Variants in ANP32E observed in about 807,000 individuals in gnomAD.
ANP32E encodes the protein acidic leucine-rich nuclear phosphoprotein 32 family member E.
ANP32E carries 14 observed loss-of-function variants against 35.3 expected under a neutral mutation model. The ratio of observed to expected loss-of-function variants is 0.40; its 90% CI spans 0.26 to 0.62. The LOEUF is 0.62. Among genes scored for constraint, ANP32E ranks in the 20% least tolerant of loss-of-function variants. The pLI, the probability that ANP32E is intolerant of heterozygous loss-of-function variation, is 0.45. For missense variants in ANP32E, 198 were observed against 304.4 expected (o/e 0.65, Z 2.60); for synonymous variants, 89 against 110.4 (o/e 0.81, Z 1.22).
intron 2 of ANP32E, 66 bp from the exon 3 acceptor site, chr1:150,230,759 T>TTG (rs1649289693): frequency 1.9e-5 from 29 of 1,497,244 alleles, no homozygotes; most frequent in Non-Finnish European, 2.4e-5. Context: ...TTTTTTTTTT[T>TTG]GAAATGTAGT....
chr1:150,221,339 T>G (rs187867509), intron 6 of ANP32E, among the ~76,000 whole-genome samples: 2,858 of 148,612 alleles, frequency 0.019, 89 homozygotes, highest in African/African-American at 0.067. Context: ...CCTGGGAGGC[T>G]GGGGCAGGAG....
At chr1:150,233,573 C>T (rs148558499) in intron 1 of ANP32E, among the ~76,000 whole-genome samples, 1 of 152,144 alleles carries the variant, frequency 6.6e-6, no homozygotes, top group East Asian at 1.9e-4. Context: ...GGCTGAATTC[C>T]CTATTAGGTA....
At chr1:150,231,586 AAAAT>A (rs1298690493) in intron 2 of ANP32E, among the ~76,000 whole-genome samples, 187 bp downstream of exon 2, 3 of 152,356 alleles carry the variant, frequency 2.0e-5, no homozygotes, top group Middle Eastern at 3.4e-3. Context: ...CCCTGTCTCA[AAAAT>A]AAATAAATAA....
chr1:150,221,489 A>G (rs1318349147), intron 6 of ANP32E, among the ~76,000 whole-genome samples: 1 of 120,974 alleles, frequency 8.3e-6, no homozygotes, highest in Non-Finnish European at 1.7e-5. Flanking sequence ...GAGAGGAAGG[A>G]AGGGAGGGAG....
In ANP32E at chr1:150,230,604, G is replaced by T. The variant is rs587607860; in HGVS notation, c.294C>A (p.Asn98Lys). The T allele has an allele frequency of 6.2e-7, 1 of 1,613,560 alleles. No individual in the cohort carries two copies. The highest frequency in any genetic ancestry group is 1.1e-5 in the South Asian group (1 of 91,054). Residue 98 changes from asparagine (N) to lysine (K), a missense_variant, in exon 3 of 7, where the codon AAC becomes AAA. Asn to Lys is a moderately conservative substitution (Grantham distance 94). Transcript: ENST00000583931. ...CTACTGTACTGAGATCTTTTATTTT[G>T]TTTCCACTCAGATTGAGGTAGGTAA... is the stretch of plus-strand genomic sequence containing the variant. ...PNLTYLNLSG[N>K]KIKDLSTVEA...
chr1:150,226,007 G>GA (rs1553839806), intron 5 of ANP32E, among the ~76,000 whole-genome samples: 1 of 138,362 alleles, frequency 7.2e-6, no homozygotes, highest in Non-Finnish European at 1.5e-5. Flanking sequence ...GATATAACCT[G>GA]TTTTTTTTTT....
intron 6 of ANP32E, among the ~76,000 whole-genome samples, chr1:150,222,673 A>G (rs751542944): frequency 1.3e-5 from 2 of 151,362 alleles, no homozygotes; most frequent in South Asian, 4.1e-4. Context: ...TGGGGGGATC[A>G]CCTGAGCCCA....
intron 4 of ANP32E, among the ~76,000 whole-genome samples, chr1:150,227,551 G>A (rs1178552992): frequency 6.6e-6 from 1 of 151,602 alleles, no homozygotes; most frequent in Non-Finnish European, 1.5e-5. Flanking sequence ...AAACACTGGG[G>A]ACACAGGGAC....
chr1:150,228,262 C>T (rs182569850), intron 4 of ANP32E, among the ~76,000 whole-genome samples: 1 of 152,174 alleles, frequency 6.6e-6, no homozygotes, highest in African/African-American at 2.4e-5. Context: ...AGTCAAACAA[C>T]ACATGGTCTT....
intron 3 of ANP32E, among the ~76,000 whole-genome samples, chr1:150,229,863 C>T (rs587617666): frequency 3.1e-4 from 47 of 152,358 alleles, no homozygotes; most frequent in Non-Finnish European, 5.4e-4. Flanking sequence ...CGGCTCACCT[C>T]GGCCTCCCAA....
At chr1:150,223,319 G>A in intron 5 of ANP32E, 79 bp from the exon 6 acceptor site, 2 of 1,481,424 alleles carry the variant, frequency 1.4e-6, no homozygotes, top group Non-Finnish European at 1.8e-6. Flanking sequence ...ATTCCAACAA[G>A]AGCAAAGAAA....
intron 5 of ANP32E, among the ~76,000 whole-genome samples, chr1:150,223,460 G>T (rs149521763): frequency 0.017 from 2,524 of 151,964 alleles, 60 homozygotes; most frequent in African/African-American, 0.057. Context: ...GCGGGCAGAT[G>T]ACCTGAGGTC....
At chr1:150,221,115 CAAAAAAAAA>C (rs34843209) in intron 6 of ANP32E, among the ~76,000 whole-genome samples, 5 of 68,916 alleles carry the variant, frequency 7.3e-5, no homozygotes, top group South Asian at 6.5e-4. Context: ...ACTTTGTCTC[CAAAAAAAAA>C]AAAAAAAAAA....
intron 3 of ANP32E, 139 bp downstream of exon 3, chr1:150,230,432 C>A: frequency 1.5e-6 from 1 of 674,232 alleles, no homozygotes; most frequent in Non-Finnish European, 2.2e-6. Flanking sequence ...CTAAAAGAAA[C>A]AAAAGCAGTA....
chr1:150,235,194 G>A lies in ANP32E; in HGVS notation c.54+539C>T, dbSNP rs1560008239. Among the ~76,000 whole-genome samples the A allele has an allele frequency of 6.6e-6, 1 of 152,212 alleles. No individual in the cohort carries two copies. Among genetic ancestry groups the A allele is most frequent in the Non-Finnish European group, 1.5e-5 (1 of 68,026 alleles). ...GCTTCCCGGAGGAGTGGGCGCCGCCGGAGCAGACAGTGCGCGGACCCTGCA... is the reference window on the plus strand; with the variant it reads ...GCTTCCCGGAGGAGTGGGCGCCGCCAGAGCAGACAGTGCGCGGACCCTGCA... On this transcript the variant is annotated intron_variant, in intron 1 of 6. Coordinates refer to ENST00000583931, the MANE Select transcript of ANP32E (RefSeq NM_030920.5). This position sits in a 1 kb window ranked among gnomAD's most constrained non-coding sequence, Gnocchi z 4.2.
chr1:150,225,116 G>A (rs1356746920), intron 5 of ANP32E, among the ~76,000 whole-genome samples: 2 of 152,178 alleles, frequency 1.3e-5, no homozygotes, highest in Non-Finnish European at 2.9e-5. Flanking sequence ...TCAATGATGA[G>A]GCAACTGAAG....
At chr1:150,222,287 G>A (rs1648478909) in intron 6 of ANP32E, among the ~76,000 whole-genome samples, 1 of 151,162 alleles carries the variant, frequency 6.6e-6, no homozygotes, top group Admixed American at 6.6e-5. Context: ...AGGCGTGGTG[G>A]CGGCGCCTAT....
chr1:150,233,878 G>A (rs1649564268), intron 1 of ANP32E, among the ~76,000 whole-genome samples: 1 of 152,010 alleles, frequency 6.6e-6, no homozygotes, highest in Non-Finnish European at 1.5e-5. Flanking sequence ...CTGTGAATTG[G>A]TTCTGTCTTC....
At chr1:150,231,096 C>T (rs1394649370) in intron 2 of ANP32E, among the ~76,000 whole-genome samples, 2 of 152,184 alleles carry the variant, frequency 1.3e-5, no homozygotes, top group African/African-American at 2.4e-5. Context: ...GTCATTCTCT[C>T]TGGCTTCAAG....
Sources: allele counts gnomAD v4.1 joint callset (sites outside exome capture counted in the v4.1 genomes callset), GRCh38; gene constraint gnomAD v4.1.1; non-coding constraint Gnocchi (gnomAD v3.1); transcripts MANE v1.5; gene names NCBI Gene and HGNC (gene_info 2026-07-23, HGNC 2026-07-21).